CTNNA3: variants seen among roughly 807,000 people sequenced by gnomAD.
CTNNA3 encodes catenin alpha-3.
In CTNNA3, 76 loss-of-function variants were observed where a neutral mutation model predicts 95.7. That is an observed-to-expected ratio of 0.79 (90% CI 0.66 to 0.96). The LOEUF (loss-of-function observed/expected upper bound fraction) is 0.96, where lower values mean the gene tolerates loss of function less well. CTNNA3 is among the 40% of genes least tolerant of loss of function. The probability of loss-of-function intolerance (pLI) is 0.00; values close to 1 mark genes in which losing one functional copy is unlikely to be tolerated. For missense variants in CTNNA3, 1,191 were observed against 1,089.8 expected (o/e 1.09, Z -1.31); for synonymous variants, 431 against 374.4 (o/e 1.15, Z -1.74).
At chr10:66,610,309 C>A (rs11813492) in intron 10 of CTNNA3, among the ~76,000 whole-genome samples, 43,144 of 151,916 alleles carry the variant, frequency 0.28, 6,535 homozygotes, top group Middle Eastern at 0.43. Context: ...ATGTAACAAA[C>A]CCGCACATGT....
intron 11 of CTNNA3, among the ~76,000 whole-genome samples, chr10:66,487,108 G>T (rs985152656): frequency 6.6e-6 from 1 of 150,418 alleles, no homozygotes; most frequent in Non-Finnish European, 1.5e-5. Context: ...ATAAGTTCAG[G>T]GAATCTAATG....
chr10:67,705,741 C>T (rs1404864244), intron 1 of CTNNA3, among the ~76,000 whole-genome samples: 2 of 148,976 alleles, frequency 1.3e-5, no homozygotes, highest in Non-Finnish European at 3.0e-5. Flanking sequence ...AACTAACCTG[C>T]ACATTGTGCA....
At chr10:66,350,675 T>C (rs2092560441) in intron 12 of CTNNA3, among the ~76,000 whole-genome samples, 2 of 151,708 alleles carry the variant, frequency 1.3e-5, no homozygotes, top group African/African-American at 2.4e-5. Flanking sequence ...TTTCCTCTTA[T>C]TTCAGGGCAA....
At chr10:67,643,093 T>C (rs536922722) in intron 2 of CTNNA3, among the ~76,000 whole-genome samples, 1 of 152,276 alleles carries the variant, frequency 6.6e-6, no homozygotes, top group East Asian at 1.9e-4. Context: ...AGTGATAGAC[T>C]GGATAAAGAA....
chr10:66,885,828 T>C (rs1201439152), intron 7 of CTNNA3, among the ~76,000 whole-genome samples: 1 of 152,192 alleles, frequency 6.6e-6, no homozygotes, highest in African/African-American at 2.4e-5. Context: ...ACCTCTGGCA[T>C]TGCAGTTAAT....
intron 7 of CTNNA3, chr10:67,012,321 C>T (rs1439530056): frequency 6.6e-6 from 1 of 152,182 alleles, no homozygotes; most frequent in African/African-American, 2.4e-5. Flanking sequence ...GCCACCACCT[C>T]GGTGCCAGAT....
At chr10:66,089,996 T>C (rs965933745) in intron 14 of CTNNA3, among the ~76,000 whole-genome samples, 4 of 152,014 alleles carry the variant, frequency 2.6e-5, no homozygotes, top group Non-Finnish European at 5.9e-5. Flanking sequence ...TAGTTTCTAA[T>C]TTCATCATTT....
intron 13 of CTNNA3, among the ~76,000 whole-genome samples, chr10:66,213,906 A>G (rs926491155): frequency 6.6e-6 from 1 of 152,216 alleles, no homozygotes; most frequent in Non-Finnish European, 1.5e-5. Context: ...AAGTGCTTCA[A>G]GAAAGTGGAA....
chr10:66,855,823 A>G (rs12098742), intron 7 of CTNNA3, among the ~76,000 whole-genome samples: 49 of 152,188 alleles, frequency 3.2e-4, no homozygotes, highest in African/African-American at 1.1e-3. Context: ...AATTAACATC[A>G]TGAACCAACA....
intron 15 of CTNNA3, among the ~76,000 whole-genome samples, chr10:66,041,141 C>CA (rs1383573232): frequency 6.6e-6 from 1 of 152,068 alleles, no homozygotes; most frequent in Non-Finnish European, 1.5e-5. Flanking sequence ...GCATGCCTGC[C>CA]AAAAATGCAT....
chr10:67,242,079 A>G (rs764453487), intron 5 of CTNNA3, among the ~76,000 whole-genome samples: 44 of 152,316 alleles, frequency 2.9e-4, no homozygotes, highest in Middle Eastern at 3.4e-3. Flanking sequence ...CGGTGACCCA[A>G]TAGAGAATAT....
At chr10:67,509,415 C>G (rs1839534875) in intron 5 of CTNNA3, among the ~76,000 whole-genome samples, 1 of 152,098 alleles carries the variant, frequency 6.6e-6, no homozygotes, top group Non-Finnish European at 1.5e-5. Context: ...CTGTTCAATT[C>G]CCACCTATAA....
chr10:67,327,971 C>A (rs1841613754), intron 5 of CTNNA3, among the ~76,000 whole-genome samples: 1 of 152,124 alleles, frequency 6.6e-6, no homozygotes, highest in East Asian at 1.9e-4. Flanking sequence ...ATCCACCATT[C>A]TCTGCAGAGT....
intron 1 of CTNNA3, among the ~76,000 whole-genome samples, chr10:67,731,160 T>C (rs1263875348): frequency 6.6e-6 from 1 of 152,024 alleles, no homozygotes; most frequent in Non-Finnish European, 1.5e-5. Flanking sequence ...TTAAAGGTGG[T>C]TATTATATCC....
At position 67,221,786 on chromosome 10, in the gene CTNNA3, G is replaced by A. The variant is rs1485889235; in HGVS notation, c.580-1916C>T. Among the ~76,000 whole-genome samples, 4 of 152,172 alleles carry A rather than the reference G, an allele frequency of 2.6e-5. No individual in the cohort carries two copies. The East Asian group carries it at 7.7e-4, about 29-fold the overall frequency. On this transcript the variant is annotated intron_variant, in intron 5 of 17. Coordinates refer to ENST00000433211, the MANE Select transcript of CTNNA3 (RefSeq NM_013266.4). Reference sequence around the variant, plus strand: ...GGACGGGGTTTCATCATGCTAGCCAGGATGGTCTCGATCTTCTGACCTTGT... The same window carrying A: ...GGACGGGGTTTCATCATGCTAGCCAAGATGGTCTCGATCTTCTGACCTTGT...
At chr10:66,304,055 A>C (rs919722665) in intron 12 of CTNNA3, among the ~76,000 whole-genome samples, 1 of 152,166 alleles carries the variant, frequency 6.6e-6, no homozygotes. Context: ...GTATCCAGAA[A>C]AATAAAAACA....
At chr10:67,470,587 C>T (rs1334808985) in intron 5 of CTNNA3, among the ~76,000 whole-genome samples, 1 of 151,996 alleles carries the variant, frequency 6.6e-6, no homozygotes, top group Non-Finnish European at 1.5e-5. Flanking sequence ...CTGCCTTAGA[C>T]AAGTGATGTT....
chr10:66,291,340 T>C (rs1333063792), intron 12 of CTNNA3, among the ~76,000 whole-genome samples: 1 of 152,166 alleles, frequency 6.6e-6, no homozygotes, highest in African/African-American at 2.4e-5. Context: ...GAAAGGCCCA[T>C]TAAGGCCCCA....
In CTNNA3 at chr10:67,308,286, G is replaced by A. The variant is rs142646347; in HGVS notation, c.580-88416C>T. ...TACCCATGTGTCATCGGAGGGACCC[G>A]GGGGGGAAGTAATTGAATCATGGGA... On this transcript the variant is annotated intron_variant, in intron 5 of 17. Coordinates refer to ENST00000433211, the MANE Select transcript of CTNNA3 (RefSeq NM_013266.4). Among the ~76,000 whole-genome samples the A allele has an allele frequency of 6.6e-5, 10 of 152,170 alleles. No individual in the cohort carries two copies. In the South Asian group the frequency reaches 1.0e-3, roughly 16 times the overall value.
Sources: allele counts gnomAD v4.1 joint callset (sites outside exome capture counted in the v4.1 genomes callset), GRCh38; gene constraint gnomAD v4.1.1; transcripts MANE v1.5; gene names NCBI Gene and HGNC (gene_info 2026-07-23, HGNC 2026-07-21).